The following DIDO1 variants were observed in gnomAD, a reference collection of about 807,000 sequenced individuals.
DIDO1 encodes death-inducer obliterator 1.
In DIDO1, 16 loss-of-function variants were observed where a neutral mutation model predicts 99.4. That is an observed-to-expected ratio of 0.16 (90% confidence interval 0.11 to 0.24). The LOEUF is 0.24. Among genes scored for constraint, DIDO1 ranks in the 10% least tolerant of loss-of-function variants. The pLI, the probability that DIDO1 is intolerant of heterozygous loss-of-function variation, is 1.00. For missense variants in DIDO1, 2,996 were observed against 3,014.0 expected (o/e 0.99, Z 0.14); for synonymous variants, 1,366 against 1,239.1 (o/e 1.10, Z -2.15).
intron 1 of DIDO1, among the ~76,000 whole-genome samples, chr20:62,926,166 C>T (rs1187020912): frequency 6.6e-6 from 1 of 152,076 alleles, no homozygotes; most frequent in Non-Finnish European, 1.5e-5. Context: ...ACCGAGTGCT[C>T]GCCAGTCCCC....
chr20:62,918,567 GCT>G (rs759744355), intron 1 of DIDO1, among the ~76,000 whole-genome samples: 5 of 152,180 alleles, frequency 3.3e-5, no homozygotes, highest in Admixed American at 3.3e-4. Context: ...CAGGAAAAGA[GCT>G]CTGACTTCTA....
At position 62,879,697 on chromosome 20, in the gene DIDO1, G is replaced by C; in HGVS notation, c.6259C>G (p.Gln2087Glu). The part of the protein sequence containing the change: ...EYRNQTFEGR[Q>E]RERFDVGPKE... ...GGCCCCACGTCAAACCGCTCTCTCT[G>C]CCTCCCTTCGAAAGTCTGGTTTCTG... Residue 2087 changes from glutamine (Q) to glutamate (E), a missense_variant, in exon 16 of 16, where the codon CAG (glutamine) becomes GAG (glutamate). Gln to Glu is a conservative substitution (Grantham distance 29). Coordinates refer to ENST00000395343, the MANE Select transcript of DIDO1 (RefSeq NM_001193369.2). This position sits in a 1 kb window ranked among gnomAD's most constrained non-coding sequence, Gnocchi z 6.3. 6.2e-7 allele frequency: 1 copy of C among 1,610,944 alleles called. No homozygotes were observed. The highest frequency in any genetic ancestry group is 8.5e-7 in the Non-Finnish European group (1 of 1,179,812).
rs1024225224 is a variant in DIDO1, at chr20:62,892,830, C to T, written c.3234G>A (p.Gly1078=). ...KFVTKAYPVS[G]CFDYLSEDLP... ...TAACCTCACTGAGGTAATCAAAACA[C>T]CCAGAGACAGGATACGCCTTAGTGA... Residue 1078 remains glycine, a synonymous_variant, in exon 13 of 16, where the codon GGG becomes GGA. Transcript: ENST00000395343. 2.5e-6 allele frequency: 4 copies of T among 1,613,604 alleles called. No individual in the cohort carries two copies. The African/African-American group carries it at 5.3e-5, about 22-fold the overall frequency.
In DIDO1 at chr20:62,890,364, A is replaced by AT. The variant is rs1433160997; in HGVS notation, c.3541+595dup. On this transcript the variant is annotated intron_variant, in intron 15 of 15. Coordinates refer to ENST00000395343, the MANE Select transcript of DIDO1 (RefSeq NM_001193369.2). ...GAATCACCCTCAACCCTTGACAAAG[A>AT]TGTATTTTAGGCTATTTGTAAATAA... is the stretch of plus-strand genomic sequence containing the variant. The AT allele has an allele frequency of 3.0e-6, 3 of 986,556 alleles. No homozygotes were observed. The African/African-American group carries it at 5.2e-5, about 17-fold the overall frequency. The allele number at this position is 986,556 out of a possible 1,614,324, so 61.1% of individuals were successfully genotyped here.
chr20:62,883,143 C>T (rs1055415911), intron 15 of DIDO1, among the ~76,000 whole-genome samples: 2 of 151,578 alleles, frequency 1.3e-5, no homozygotes, highest in African/African-American at 4.8e-5. Flanking sequence ...AGGCTGGTCT[C>T]GAACTCCTGA....
At position 62,880,994 on chromosome 20, in the gene DIDO1, A is replaced by T. The variant is rs1471854484; in HGVS notation, c.4962T>A (p.Pro1654=). The change falls in exon 16 of 16, where the codon CCT becomes CCA. Residue 1654 remains proline (P), a synonymous_variant. Transcript: ENST00000395343. ...GTGTGGGCAGCAGCACCCTCCGGGC[A>T]GGCCTGGCCGAGCTGTCTCCAACCG... is the stretch of plus-strand genomic sequence containing the variant. ...PATVGDSSAR[P]ARRVLLPTPP... is the part of the protein sequence containing the mutation. 1 of 1,605,596 alleles carries T rather than the reference A, an allele frequency of 6.2e-7. No homozygotes were observed. Among genetic ancestry groups the T allele is most frequent in the Non-Finnish European group, 8.5e-7 (1 of 1,178,880 alleles).
chr20:62,887,981 A>G, intron 15 of DIDO1: 1 of 985,422 alleles, frequency 1.0e-6, no homozygotes, highest in Non-Finnish European at 1.2e-6. Flanking sequence ...TGCAAGGACA[A>G]ATGTCCTCAG....
chr20:62,905,439 G>T lies in DIDO1; in HGVS notation c.1588+448C>A, dbSNP rs75294545. ...AAGATTCCCACAACATAAAAAAGAA[G>T]TGATGCTTTCATGTGCTGGCCGTGG... On this transcript the variant is annotated intron_variant, in intron 6 of 15. Coordinates refer to ENST00000395343, the MANE Select transcript of DIDO1 (RefSeq NM_001193369.2). The T allele has an allele frequency of 3.9e-3, 5,841 of 1,514,158 alleles. 163 individuals are homozygous for T. In the African/African-American group the frequency reaches 0.066, roughly 17 times the overall value. The allele number at this position is 1,514,158 out of a possible 1,614,324, so 93.8% of individuals were successfully genotyped here.
intron 1 of DIDO1, among the ~76,000 whole-genome samples, chr20:62,921,677 TGGAGGGCAATGGAGC>T (rs199501197): frequency 0.025 from 3,755 of 149,910 alleles, 54 homozygotes; most frequent in African/African-American, 0.03. Context: ...TCGCCCAGGC[TGGAGGGCAATGGAGC>T]GACTGATCAC....
At chr20:62,927,973 A>G (rs1216735990), upstream of DIDO1, among the ~76,000 whole-genome samples, 1 of 152,072 alleles carries the variant, frequency 6.6e-6, no homozygotes, top group African/African-American at 2.4e-5. Context: ...ACCACCTTTA[A>G]CAAGCAGTGA....
At position 62,879,769 on chromosome 20, in the gene DIDO1, C is replaced by G. The variant is rs764488259; in HGVS notation, c.6187G>C (p.Gly2063Arg). The G allele has an allele frequency of 9.9e-6, 16 of 1,611,468 alleles. No homozygotes were observed. In the African/African-American group the frequency reaches 2.1e-4, roughly 22 times the overall value. ...SAPGQGPEAD[G>R]QWASADFREG... The stretch of plus-strand genomic sequence containing the variant: ...CGGAAGTCGGCCGATGCCCACTGTC[C>G]GTCGGCCTCGGGGCCCTGTCCGGGC... Residue 2063 changes from glycine to arginine, a missense_variant, in exon 16 of 16, where the codon GGA (glycine) becomes CGA (arginine). Transcript: ENST00000395343. The surrounding 1 kb of genome is among the most constrained non-coding windows in gnomAD (Gnocchi z 6.3).
In DIDO1 at chr20:62,893,771, G is replaced by T. The variant is rs745315732; in HGVS notation, c.2996C>A (p.Pro999Gln). Residue 999 changes from proline to glutamine, a missense_variant, in exon 12 of 16, where the codon CCG (proline) becomes CAG (glutamine). Physicochemically the swap from Pro to Gln is moderately conservative, Grantham distance 76. Around this residue, in one of 5 missense-constraint regions of DIDO1, gnomAD observed 898 missense variants for 972.7 expected, o/e 0.92. Coordinates refer to ENST00000395343, the MANE Select transcript of DIDO1 (RefSeq NM_001193369.2). ...CATCACAGAAGTCAAGACAGGCTTCGGCACATCCTGTCTGGCTTCCACCAT... is the reference window on the plus strand; with the variant it reads ...CATCACAGAAGTCAAGACAGGCTTCTGCACATCCTGTCTGGCTTCCACCAT... The part of the protein sequence containing the change: ...THMVEARQDV[P>Q]KPVLTSVMVP... 1 of 1,614,038 alleles carries T rather than the reference G, an allele frequency of 6.2e-7. No individual in the cohort carries two copies. Among genetic ancestry groups the T allele is most frequent in the African/African-American group, 1.3e-5 (1 of 74,914 alleles).
intron 4 of DIDO1, among the ~76,000 whole-genome samples, chr20:62,908,346 G>A (rs1211382178): frequency 6.6e-6 from 1 of 152,168 alleles, no homozygotes; most frequent in Admixed American, 6.5e-5. Context: ...CCAAGCCTCT[G>A]GAGACCACAG....
chr20:62,897,588 T>G (rs910305345), intron 6 of DIDO1, among the ~76,000 whole-genome samples: 1 of 152,178 alleles, frequency 6.6e-6, no homozygotes, highest in African/African-American at 2.4e-5. Flanking sequence ...AGTGAGAAGC[T>G]GAGAACGCAG....
chr20:62,911,465 G>A lies in DIDO1; in HGVS notation c.148C>T (p.Pro50Ser). The A allele has an allele frequency of 6.2e-7, 1 of 1,611,980 alleles. No individual in the cohort carries two copies. Among genetic ancestry groups the A allele is most frequent in the African/African-American group, 1.3e-5 (1 of 75,040 alleles). The change falls in exon 3 of 16, where the codon CCG (proline) becomes TCG (serine). Residue 50 changes from proline (P) to serine (S), a missense_variant. By Grantham distance (74) the Pro-to-Ser change is moderately conservative. Coordinates refer to ENST00000395343, the MANE Select transcript of DIDO1 (RefSeq NM_001193369.2). This position sits in a 1 kb window ranked among gnomAD's most constrained non-coding sequence, Gnocchi z 7.0. The part of the protein sequence containing the change: ...AGDAEADPLE[P>S]PPPQQQLGLS... Reference sequence around the variant, plus strand: ...CCCAGCTGCTGCTGTGGGGGTGGCGGCTCCAGTGGGTCAGCCTCCGCGTCC... The same window carrying A: ...CCCAGCTGCTGCTGTGGGGGTGGCGACTCCAGTGGGTCAGCCTCCGCGTCC...
intron 15 of DIDO1, among the ~76,000 whole-genome samples, chr20:62,886,278 TG>T (rs1342621544): frequency 1.3e-5 from 2 of 152,180 alleles, no homozygotes; most frequent in African/African-American, 4.8e-5. Context: ...AACAAGGGTG[TG>T]GATGTTCCCC....
chr20:62,885,512 T>C (rs948614110), intron 15 of DIDO1, among the ~76,000 whole-genome samples: 12 of 152,196 alleles, frequency 7.9e-5, no homozygotes, highest in African/African-American at 2.4e-5. Context: ...CAAGACTCGT[T>C]AGTCTTGAAA....
At chr20:62,888,434 C>A (rs1007539424) in intron 15 of DIDO1, 2 of 985,426 alleles carry the variant, frequency 2.0e-6, no homozygotes, top group Non-Finnish European at 2.4e-6. Context: ...CCGCAGAGAA[C>A]TGAGGCTGTG....
rs754805521 is a variant in DIDO1 at position 62,879,923 on chromosome 20, G to T, written c.6033C>A (p.Phe2011Leu). The T allele has an allele frequency of 7.5e-6, 12 of 1,594,962 alleles. No homozygotes were observed. The East Asian group carries it at 1.8e-4, about 24-fold the overall frequency. ...KNEQTPSRFH[F>L]QGQAPQVMKP... ...TCATCACCTGCGGGGCCTGGCCCTG[G>T]AAGTGAAATCGCGAAGGGGTCTGCT... Residue 2011 changes from phenylalanine (F) to leucine (L), a missense_variant, in exon 16 of 16, where the codon TTC (phenylalanine) becomes TTA (leucine). This residue lies in a region of DIDO1 where 1,562 missense variants were observed against 1,412.6 expected (regional missense o/e 1.11). Coordinates refer to ENST00000395343, the MANE Select transcript of DIDO1 (RefSeq NM_001193369.2). This position sits in a 1 kb window ranked among gnomAD's most constrained non-coding sequence, Gnocchi z 6.3.
Sources: gnomAD v4.1 joint callset for allele counts (sites outside exome capture counted in the v4.1 genomes callset) on GRCh38, gnomAD v4.1.1 for gene constraint, gnomAD v4.1.1 regional missense constraint, Gnocchi (gnomAD v3.1) non-coding constraint, MANE v1.5 for transcripts, NCBI Gene and HGNC (gene_info 2026-07-23, HGNC 2026-07-21) for gene names.